Variants in G3BP2 observed in about 807,000 individuals in gnomAD.
The protein encoded by G3BP2 is ras GTPase-activating protein-binding protein 2.
G3BP2 carries 11 observed loss-of-function variants against 56.7 expected under a neutral mutation model. That is an observed-to-expected ratio of 0.19 (90% CI 0.12 to 0.32). The LOEUF is 0.32. Among genes scored for constraint, G3BP2 ranks in the 10% least tolerant of loss-of-function variants. The pLI is 1.00. For missense variants in G3BP2, 340 were observed against 610.9 expected, an observed-to-expected ratio of 0.56 and a Z score of 4.67; for synonymous variants, 165 against 191.6, an observed-to-expected ratio of 0.86 and a Z score of 1.15.
At chr4:75,678,852 C>G (rs566340349) in intron 3 of G3BP2, among the ~76,000 whole-genome samples, 1 of 152,140 alleles carries the variant, frequency 6.6e-6, no homozygotes, top group Admixed American at 6.5e-5. Context: ...ACATGTAAAA[C>G]ATTTTAACAG....
Position 75,661,199 on chromosome 4 carries a change from G to A in G3BP2, c.95+732C>T, listed in dbSNP as rs191878360. 5.3e-4 allele frequency among the ~76,000 whole-genome samples: 81 copies of A among 152,248 alleles called. No individual in the cohort carries two copies. The East Asian group carries it at 0.014, about 27-fold the overall frequency. On this transcript the variant is annotated intron_variant, in intron 2 of 11. Coordinates refer to ENST00000359707, the MANE Select transcript of G3BP2 (RefSeq NM_203505.3). ...GCTGGAGTGCAGTGGCACGATGCTC[G>A]CTCACTGCAGCCTCCACCTCCCAGA...
chr4:75,653,770 T>G (rs1192744206), intron 8 of G3BP2, among the ~76,000 whole-genome samples: 1 of 152,142 alleles, frequency 6.6e-6, no homozygotes, highest in Non-Finnish European at 1.5e-5. Flanking sequence ...AAAAACCAAC[T>G]TAATCTGTAT....
intron 3 of G3BP2, among the ~76,000 whole-genome samples, chr4:75,698,308 C>T (rs11731107): frequency 0.3 from 45,530 of 151,852 alleles, 8,520 homozygotes; most frequent in East Asian, 0.76. Flanking sequence ...GCTCTGAAGA[C>T]GAAGGAAGGA....
Position 75,647,174 on chromosome 4 carries a change from A to C in G3BP2, c.929-17T>G, listed in dbSNP as rs1731296894. ...CTCCTCTGCCTGAGAATAGAAATAG[A>C]GCAGATACTAAAGTTTACAATATCA... On this transcript the variant is annotated splice_polypyrimidine_tract_variant and intron_variant, in intron 9 of 11. Coordinates refer to ENST00000359707, the MANE Select transcript of G3BP2 (RefSeq NM_203505.3). 1 of 1,534,390 alleles carries C rather than the reference A, an allele frequency of 6.5e-7. No homozygotes were observed. The highest frequency in any genetic ancestry group is 8.9e-7 in the Non-Finnish European group (1 of 1,128,564).
At chr4:75,703,055 G>A (rs945047572) in intron 3 of G3BP2, among the ~76,000 whole-genome samples, 1 of 152,138 alleles carries the variant, frequency 6.6e-6, no homozygotes, top group Non-Finnish European at 1.5e-5. Flanking sequence ...CTTTTGTTGC[G>A]ATGCTAAGTA....
At chr4:75,671,977 G>T (rs958393229) in intron 1 of G3BP2, among the ~76,000 whole-genome samples, 3 of 152,078 alleles carry the variant, frequency 2.0e-5, no homozygotes, top group African/African-American at 7.2e-5. Flanking sequence ...TAGTACACCG[G>T]GGCTCTCTTA....
chr4:75,692,318 CTT>C (rs563063599), intron 3 of G3BP2, among the ~76,000 whole-genome samples: 1 of 146,160 alleles, frequency 6.8e-6, no homozygotes, highest in African/African-American at 2.5e-5. Flanking sequence ...CCTGTCAGTT[CTT>C]TTTTTTTTTA....
Position 75,663,978 on chromosome 4 carries a change from C to T in G3BP2, c.-24-1929G>A, listed in dbSNP as rs1271330973. 9.7e-5 allele frequency among the ~76,000 whole-genome samples: 8 copies of T among 82,394 alleles called. No individual in the cohort carries two copies. In the South Asian group the frequency reaches 2.3e-3, roughly 24 times the overall value. The allele number at this position is 82,394 out of a possible 152,430, so 54.1% of individuals were successfully genotyped here. ...TTGGCTCACTGCAACCTCTGCCTCC[C>T]GGCAGAGCAATTCTCTTGCCTCAGC... is the stretch of plus-strand genomic sequence containing the variant. On this transcript the variant is annotated intron_variant, in intron 1 of 11. Coordinates refer to ENST00000359707, the MANE Select transcript of G3BP2 (RefSeq NM_203505.3).
chr4:75,650,241 C>T (rs1731569346), intron 8 of G3BP2, among the ~76,000 whole-genome samples: 1 of 151,774 alleles, frequency 6.6e-6, no homozygotes, highest in Admixed American at 6.6e-5. Flanking sequence ...TCGAGACCAG[C>T]CTGACTAACA....
At chr4:75,674,710 ATATATATATTTTTTT>A (rs1170232032), upstream of G3BP2, among the ~76,000 whole-genome samples, 18 of 47,862 alleles carry the variant, frequency 3.8e-4, no homozygotes, top group African/African-American at 9.4e-4. Context: ...ATATATATAT[ATATATATATTTTTTT>A]TTTTTTTTTT....
chr4:75,653,522 C>T (rs527353092), intron 8 of G3BP2, among the ~76,000 whole-genome samples: 60 of 147,298 alleles, frequency 4.1e-4, no homozygotes, highest in African/African-American at 1.4e-3. Flanking sequence ...GTGGTGTGAA[C>T]CACTTACACA....
In G3BP2 at chr4:75,655,251, A is replaced by G; in HGVS notation, c.546-5T>C. 1 of 1,594,774 alleles carries G rather than the reference A, an allele frequency of 6.3e-7. No individual in the cohort carries two copies. Among genetic ancestry groups the G allele is most frequent in the Non-Finnish European group, 8.6e-7 (1 of 1,169,334 alleles). On this transcript the variant is annotated splice_region_variant and splice_polypyrimidine_tract_variant and intron_variant, in intron 6 of 11. Transcript: ENST00000359707. ...AAAGGCTCCTCTATGCCATTACTAC[A>G]ATAAAATATTTAGTTCACTTTTTAG...
chr4:75,722,754 C>T (rs1444474488), intron 1 of G3BP2, among the ~76,000 whole-genome samples: 2 of 152,148 alleles, frequency 1.3e-5, no homozygotes, highest in Non-Finnish European at 2.9e-5. Flanking sequence ...AGTATGACCC[C>T]ACCATTCTCC....
At chr4:75,662,695 G>C (rs555084008) in intron 1 of G3BP2, among the ~76,000 whole-genome samples, 2 of 151,974 alleles carry the variant, frequency 1.3e-5, no homozygotes, top group Admixed American at 1.3e-4. Flanking sequence ...CCTACCCTTC[G>C]GTAAAGGGAA....
chr4:75,655,367 T>C (rs1269595479), intron 6 of G3BP2, 121 bp from the exon 7 acceptor site: 31 of 724,264 alleles, frequency 4.3e-5, no homozygotes, highest in African/African-American at 7.2e-5. Context: ...ATCTACAAAG[T>C]ATTCAAAGCA....
At chr4:75,704,564 C>G (rs892694658) in intron 3 of G3BP2, among the ~76,000 whole-genome samples, 30 of 152,218 alleles carry the variant, frequency 2.0e-4, no homozygotes, top group African/African-American at 6.7e-4. Flanking sequence ...AGTAATCCTC[C>G]CGCCTCGGCC....
chr4:75,657,418 C>T, intron 4 of G3BP2, 139 bp downstream of exon 4: 3 of 619,630 alleles, frequency 4.8e-6, no homozygotes, highest in East Asian at 5.4e-5. Flanking sequence ...TACACACACG[C>T]ACTCACTCAA....
chr4:75,675,472 T>C (rs539005405), upstream of G3BP2, among the ~76,000 whole-genome samples: 1 of 152,340 alleles, frequency 6.6e-6, no homozygotes, highest in East Asian at 1.9e-4. Flanking sequence ...ATGGTGCTAC[T>C]GCTGCTCTAG....
intron 1 of G3BP2, among the ~76,000 whole-genome samples, chr4:75,669,687 G>A (rs953718251): frequency 2.0e-5 from 3 of 152,122 alleles, no homozygotes; most frequent in Non-Finnish European, 4.4e-5. Flanking sequence ...CACTCTCTGC[G>A]CCTTTGTCTT....
Sources: gnomAD v4.1 joint callset for allele counts (sites outside exome capture counted in the v4.1 genomes callset) on GRCh38, gnomAD v4.1.1 for gene constraint, MANE v1.5 for transcripts, NCBI Gene and HGNC (gene_info 2026-07-23, HGNC 2026-07-21) for gene names.